BCL11A: variants seen among roughly 807,000 people sequenced by gnomAD.
BCL11A encodes BCL11 transcription factor A, also known as B cell CLL/lymphoma 11A.
In BCL11A, 2 loss-of-function variants were observed where a neutral mutation model predicts 55.9. That is an observed-to-expected ratio of 0.04 (90% CI 0.01 to 0.11). BCL11A has a LOEUF of 0.11. Among genes scored for constraint, BCL11A ranks in the 10% least tolerant of loss-of-function variants. The probability of loss-of-function intolerance (pLI) is 1.00; values close to 1 mark genes in which losing one functional copy is unlikely to be tolerated. For synonymous variants in BCL11A, 465 were observed against 473.4 expected (o/e 0.98, Z 0.23); for missense variants, 817 against 1,137.1 (o/e 0.72, Z 4.05).
Position 60,461,921 on chromosome 2 carries a change from G to C in BCL11A, c.991C>G (p.Leu331Val). The C allele has an allele frequency of 1.2e-6, 2 of 1,614,158 alleles. No homozygotes were observed. Among genetic ancestry groups the C allele is most frequent in the Non-Finnish European group, 8.5e-7 (1 of 1,180,020 alleles). ...ATAGGGCTGGGCCGGCCTGGGGACA[G>C]CGGTGGGCTAGACGTGTTCCCTGCC... ...ELAGNTSSPP[L>V]SPGRPSPMQR... The change falls in exon 4 of 4, where the codon CTG (leucine) becomes GTG (valine). Residue 331 changes from leucine (L) to valine (V), a missense_variant. Physicochemically the swap from Leu to Val is conservative, Grantham distance 32. Coordinates refer to ENST00000642384, the MANE Select transcript of BCL11A (RefSeq NM_022893.4).
At chr2:60,504,427 C>A (rs1340759606) in intron 2 of BCL11A, among the ~76,000 whole-genome samples, 1 of 152,216 alleles carries the variant, frequency 6.6e-6, no homozygotes, top group Non-Finnish European at 1.5e-5. Context: ...TTCCTCCTGG[C>A]CAGCCTGCTC....
chr2:60,539,991 C>A (rs757375030), intron 2 of BCL11A, among the ~76,000 whole-genome samples: 5 of 152,042 alleles, frequency 3.3e-5, no homozygotes, highest in Non-Finnish European at 7.4e-5. Context: ...ATTTGTATTA[C>A]AAATAAAAAT....
chr2:60,533,714 G>A (rs976852498), intron 2 of BCL11A: 1 of 152,130 alleles, frequency 6.6e-6, no homozygotes, highest in African/African-American at 2.4e-5. Flanking sequence ...GGGCAGAATC[G>A]CTCGACACAC....
At chr2:60,473,549 C>T (rs1458395098) in intron 2 of BCL11A, among the ~76,000 whole-genome samples, 1 of 152,114 alleles carries the variant, frequency 6.6e-6, no homozygotes, top group East Asian at 1.9e-4. Context: ...GTTCTGAATC[C>T]GATTACTAGG....
At chr2:60,527,565 C>T (rs1669259427) in intron 2 of BCL11A, 1 of 152,396 alleles carries the variant, frequency 6.6e-6, no homozygotes, top group Admixed American at 6.5e-5. Context: ...CTCCATCCCA[C>T]CTCAAACTCA....
At chr2:60,451,863 TCAGA>T (rs1675736173) in exon 5 of BCL11A, 2 of 228,448 alleles carry the variant, frequency 8.8e-6, no homozygotes, top group Non-Finnish European at 1.7e-5. Flanking sequence ...AAATTATAAG[TCAGA>T]CAGTTAGGAA....
chr2:60,520,919 A>T (rs1668951233), intron 2 of BCL11A, among the ~76,000 whole-genome samples: 1 of 152,208 alleles, frequency 6.6e-6, no homozygotes, highest in African/African-American at 2.4e-5. Context: ...TGCCAACAGT[A>T]GAAAGAAGAA....
chr2:60,514,177 C>G (rs1668620157), intron 2 of BCL11A, among the ~76,000 whole-genome samples: 1 of 152,116 alleles, frequency 6.6e-6, no homozygotes, highest in Non-Finnish European at 1.5e-5. Context: ...TGAGAGGCTT[C>G]CAGGCTGGGC....
At chr2:60,532,958 T>G (rs979816633) in intron 2 of BCL11A, 2 of 152,338 alleles carry the variant, frequency 1.3e-5, no homozygotes, top group Middle Eastern at 3.4e-3. Context: ...GTAGAATTAT[T>G]TGTGTACTTG....
At chr2:60,491,003 C>T (rs1043566940) in intron 2 of BCL11A, among the ~76,000 whole-genome samples, 2 of 152,010 alleles carry the variant, frequency 1.3e-5, no homozygotes, top group Non-Finnish European at 2.9e-5. Context: ...TGAATATCCA[C>T]CCTCTTTAAA....
chr2:60,467,593 G>A (rs1273440120), intron 3 of BCL11A, among the ~76,000 whole-genome samples: 1 of 57,228 alleles, frequency 1.7e-5, no homozygotes, highest in Non-Finnish European at 3.5e-5. Flanking sequence ...TGGTGGTGGT[G>A]ATGGTGGTGG....
At chr2:60,540,953 T>C (rs1669896617) in intron 2 of BCL11A, among the ~76,000 whole-genome samples, 1 of 141,812 alleles carries the variant, frequency 7.1e-6, no homozygotes, top group Non-Finnish European at 1.6e-5. Context: ...GTTTTGTGTG[T>C]GTGTGTGTGT....
intron 2 of BCL11A, chr2:60,535,795 G>A (rs546034144): frequency 2.6e-5 from 4 of 152,308 alleles, no homozygotes; most frequent in East Asian, 1.9e-4. Context: ...CATGGTGAAC[G>A]GGTCATGCAG....
Position 60,461,820 on chromosome 2 carries a change from T to A in BCL11A, c.1092A>T (p.Gln364His). Residue 364 changes from glutamine to histidine, a missense_variant, in exon 4 of 4, where the codon CAA becomes CAT. Gln to His is a conservative substitution (Grantham distance 24, BLOSUM62 0). Coordinates refer to ENST00000642384, the MANE Select transcript of BCL11A (RefSeq NM_022893.4). ...FLATPPLPPL[Q>H]SAPPPSQPPV... ...GGGGCTGGGAGGGAGGAGGGGCGGA[T>A]TGCAGAGGAGGGAGGGGGGGCGTCG... is the stretch of plus-strand genomic sequence containing the variant. 6.2e-7 allele frequency: 1 copy of A among 1,610,656 alleles called. No homozygotes were observed. The highest frequency in any genetic ancestry group is 8.5e-7 in the Non-Finnish European group (1 of 1,177,874).
At position 60,457,825 on chromosome 2, in the gene BCL11A, A is replaced by C; in HGVS notation, c.*2579T>G. On this transcript the variant is annotated 3_prime_UTR_variant, in exon 4 of 4. Coordinates refer to ENST00000642384, the MANE Select transcript of BCL11A (RefSeq NM_022893.4). ...GCAGTACTGCATACAGTATGGCAGCAGGAAAAAGGAACAAAAAAGGATATG... is the reference window on the plus strand; with the variant it reads ...GCAGTACTGCATACAGTATGGCAGCCGGAAAAAGGAACAAAAAAGGATATG... 1 of 1,049,014 alleles carries C rather than the reference A, an allele frequency of 9.5e-7. No individual in the cohort carries two copies. Among genetic ancestry groups the C allele is most frequent in the Non-Finnish European group, 1.2e-6 (1 of 868,828 alleles). The allele number at this position is 1,049,014 out of a possible 1,614,324, so 65.0% of individuals were successfully genotyped here. A position where few individuals can be genotyped will look rare whatever the true frequency, so the allele number is the denominator to read the frequency against.
intron 1 of BCL11A, among the ~76,000 whole-genome samples, chr2:60,552,178 A>C (rs1670439162): frequency 6.6e-6 from 1 of 151,934 alleles, no homozygotes; most frequent in African/African-American, 2.4e-5. Context: ...GCCGTCACAG[A>C]AAAGGGTTGG....
chr2:60,488,463 G>A (rs1163112256), intron 2 of BCL11A, among the ~76,000 whole-genome samples: 1 of 152,178 alleles, frequency 6.6e-6, no homozygotes, highest in Non-Finnish European at 1.5e-5. Context: ...ACACACGTAG[G>A]TACTGTCATT....
chr2:60,525,934 T>C (rs1360231608), intron 2 of BCL11A: 8 of 152,252 alleles, frequency 5.3e-5, no homozygotes, highest in Non-Finnish European at 1.2e-4. Context: ...TCTTCTTCCT[T>C]CATTCGTGTT....
intron 2 of BCL11A, among the ~76,000 whole-genome samples, chr2:60,515,327 C>T (rs1668684347): frequency 2.0e-5 from 3 of 152,296 alleles, no homozygotes; most frequent in South Asian, 4.1e-4. Context: ...ATTCAAAGCC[C>T]GGTCTTTCTC....
Sources: allele counts gnomAD v4.1 joint callset (sites outside exome capture counted in the v4.1 genomes callset), GRCh38; gene constraint gnomAD v4.1.1; transcripts MANE v1.5; gene names NCBI Gene and HGNC (gene_info 2026-07-23, HGNC 2026-07-21).